The following PTPRD variants were observed in gnomAD, a reference collection of about 807,000 sequenced individuals.
PTPRD encodes receptor-type tyrosine-protein phosphatase delta.
Under a neutral mutation model 214.5 loss-of-function variants are expected in PTPRD, and 34 were observed. The ratio of observed to expected loss-of-function variants is 0.16; its 90% confidence interval spans 0.12 to 0.21. The LOEUF (loss-of-function observed/expected upper bound fraction) is 0.21, where lower values mean the gene tolerates loss of function less well. PTPRD is among the 10% of genes least tolerant of loss of function. The pLI is 1.00. For synonymous variants in PTPRD, 1,128 were observed against 845.7 expected (o/e 1.33, Z -5.79); for missense variants, 2,545 against 2,398.7 (o/e 1.06, Z -1.27).
At chr9:10,474,640 T>G (rs1311727270) in intron 2 of PTPRD, among the ~76,000 whole-genome samples, 1 of 152,108 alleles carries the variant, frequency 6.6e-6, no homozygotes, top group East Asian at 1.9e-4. Context: ...GCAGATCTAA[T>G]AGATATGTAT....
At chr9:9,317,394 T>C (rs1372570988) in intron 9 of PTPRD, among the ~76,000 whole-genome samples, 1 of 152,170 alleles carries the variant, frequency 6.6e-6, no homozygotes, top group Non-Finnish European at 1.5e-5. Flanking sequence ...CTTATTATTC[T>C]TCCTTAAAAC....
intron 11 of PTPRD, among the ~76,000 whole-genome samples, chr9:8,889,309 T>C (rs932637208): frequency 6.6e-6 from 1 of 152,116 alleles, no homozygotes; most frequent in Non-Finnish European, 1.5e-5. Context: ...TTGCGTAATA[T>C]GTATGTCTTG....
At chr9:8,446,543 G>C (rs537178338) in intron 34 of PTPRD, among the ~76,000 whole-genome samples, 7 of 152,276 alleles carry the variant, frequency 4.6e-5, no homozygotes, top group African/African-American at 1.4e-4. Flanking sequence ...TTCTGTACTA[G>C]GTACTGGTTA....
chr9:9,294,808 A>T (rs1403323597), intron 9 of PTPRD, among the ~76,000 whole-genome samples: 1 of 151,656 alleles, frequency 6.6e-6, no homozygotes, highest in Non-Finnish European at 1.5e-5. Context: ...TGAGCAAACT[A>T]ATATACTCCA....
At chr9:9,597,013 G>C (rs1017332876) in intron 7 of PTPRD, among the ~76,000 whole-genome samples, 1 of 151,948 alleles carries the variant, frequency 6.6e-6, no homozygotes, top group Non-Finnish European at 1.5e-5. Context: ...GTAAGTAATT[G>C]GCATGAGTGG....
At chr9:10,141,600 G>A (rs1211202076) in intron 3 of PTPRD, among the ~76,000 whole-genome samples, 1 of 152,038 alleles carries the variant, frequency 6.6e-6, no homozygotes, top group Non-Finnish European at 1.5e-5. Flanking sequence ...CGAAATAAAA[G>A]AGGATACAAA....
intron 11 of PTPRD, among the ~76,000 whole-genome samples, chr9:8,828,050 G>A (rs1178792433): frequency 1.3e-5 from 2 of 152,118 alleles, no homozygotes; most frequent in Non-Finnish European, 2.9e-5. Context: ...TTTTAAAAAG[G>A]AAGTAAATCC....
chr9:10,340,320 A>C (rs898969095), intron 3 of PTPRD, among the ~76,000 whole-genome samples: 7 of 151,942 alleles, frequency 4.6e-5, no homozygotes, highest in Non-Finnish European at 1.0e-4. Context: ...AAAGCATACC[A>C]ATCTTTACAG....
intron 9 of PTPRD, among the ~76,000 whole-genome samples, chr9:9,343,723 C>CTT (rs897829359): frequency 6.9e-6 from 1 of 145,902 alleles, no homozygotes; most frequent in African/African-American, 2.5e-5. Context: ...GGAGGGAACC[C>CTT]TTTTTTTTTT....
intron 12 of PTPRD, among the ~76,000 whole-genome samples, chr9:8,665,559 G>C (rs2097153890): frequency 6.6e-6 from 1 of 152,182 alleles, no homozygotes; most frequent in Non-Finnish European, 1.5e-5. Context: ...GATCAATACA[G>C]ATATTATTAG....
chr9:8,890,924 T>G (rs1472993223), intron 11 of PTPRD, among the ~76,000 whole-genome samples: 1 of 152,138 alleles, frequency 6.6e-6, no homozygotes, highest in Non-Finnish European at 1.5e-5. Context: ...AAAGAGGCCT[T>G]TTCAGTCATA....
At chr9:8,748,132 CAGTT>C (rs1041720176) in intron 11 of PTPRD, among the ~76,000 whole-genome samples, 13 of 152,264 alleles carry the variant, frequency 8.5e-5, no homozygotes, top group Admixed American at 7.2e-4. Context: ...CAGCAGGAAG[CAGTT>C]AGAGCGGTTG....
At chr9:8,981,402 G>C (rs967836754) in intron 11 of PTPRD, among the ~76,000 whole-genome samples, 1 of 151,908 alleles carries the variant, frequency 6.6e-6, no homozygotes, top group Non-Finnish European at 1.5e-5. Context: ...TCTTTAGTCT[G>C]ATTTTTTTTT....
At chr9:10,176,207 T>A (rs1161473035) in intron 3 of PTPRD, among the ~76,000 whole-genome samples, 1 of 152,016 alleles carries the variant, frequency 6.6e-6, no homozygotes, top group Non-Finnish European at 1.5e-5. Context: ...CAGTATTTTA[T>A]TTGAACATCA....
intron 10 of PTPRD, among the ~76,000 whole-genome samples, chr9:9,125,527 T>C (rs1246909866): frequency 6.6e-6 from 1 of 152,224 alleles, no homozygotes; most frequent in Admixed American, 6.5e-5. Flanking sequence ...CACTTCAGAC[T>C]ATGAGCCTTC....
chr9:9,974,532 G>A (rs2095279923), intron 4 of PTPRD, among the ~76,000 whole-genome samples: 1 of 152,102 alleles, frequency 6.6e-6, no homozygotes, highest in Admixed American at 6.5e-5. Context: ...TTCTCTATTT[G>A]AAAATAACAT....
intron 14 of PTPRD, among the ~76,000 whole-genome samples, chr9:8,555,633 G>A (rs2083491197): frequency 6.6e-6 from 1 of 152,136 alleles, no homozygotes; most frequent in African/African-American, 2.4e-5. Flanking sequence ...ATCTTCCTTT[G>A]GACATCTCTC....
At chr9:9,341,057 T>C (rs113737014) in intron 9 of PTPRD, among the ~76,000 whole-genome samples, 4,442 of 152,208 alleles carry the variant, frequency 0.029, 89 homozygotes, top group South Asian at 0.054. Context: ...AGGAAATACA[T>C]TAAATGTTTT....
Position 8,847,173 on chromosome 9 carries a change from TA to T in PTPRD, c.-103-113228del, listed in dbSNP as rs201613176. On this transcript the variant is annotated intron_variant, in intron 11 of 45. Transcript: ENST00000381196. ...AATTGAAATTAATATTTTCCTAAAA[TA>T]TTTTTTTTTTGGTACATATAAATCA... Among the ~76,000 whole-genome samples the T allele has an allele frequency of 2.4e-3, 352 of 145,744 alleles. 4 individuals are homozygous for T. Among genetic ancestry groups the T allele is most frequent in the Admixed American group, 0.018 (262 of 14,208 alleles).
Sources: gnomAD v4.1 joint callset for allele counts (sites outside exome capture counted in the v4.1 genomes callset) on GRCh38, gnomAD v4.1.1 for gene constraint, MANE v1.5 for transcripts, NCBI Gene and HGNC (gene_info 2026-07-23, HGNC 2026-07-21) for gene names.